Variants in KATNIP observed in about 807,000 individuals in gnomAD.
KATNIP encodes the protein katanin interacting protein, also known as katanin-interacting protein.
A neutral mutation model predicts 174.0 loss-of-function variants in KATNIP; 126 were observed. The ratio of observed to expected loss-of-function variants is 0.72; its 90% confidence interval spans 0.63 to 0.84. KATNIP has a LOEUF of 0.84. KATNIP is among the 40% of genes least tolerant of loss of function. The pLI, the probability that KATNIP is intolerant of heterozygous loss-of-function variation, is 0.00. For missense variants in KATNIP, 1,958 were observed against 2,109.7 expected (o/e 0.93, Z 1.41); for synonymous variants, 810 against 835.7 (o/e 0.97, Z 0.53).
At chr16:27,594,375 T>G (rs564912994) in intron 2 of KATNIP, among the ~76,000 whole-genome samples, 365 of 152,172 alleles carry the variant, frequency 2.4e-3, no homozygotes, top group African/African-American at 8.1e-3. Context: ...GGTTGTGGTG[T>G]CCGTGACTCA....
intron 22 of KATNIP, among the ~76,000 whole-genome samples, chr16:27,771,862 C>G (rs375903594): frequency 7.9e-5 from 12 of 152,286 alleles, no homozygotes; most frequent in African/African-American, 2.9e-4. Flanking sequence ...CCTGCTGAGG[C>G]TGGAGGGGGC....
At chr16:27,714,934 A>T (rs2079858232) in intron 13 of KATNIP, among the ~76,000 whole-genome samples, 1 of 152,222 alleles carries the variant, frequency 6.6e-6, no homozygotes, top group Non-Finnish European at 1.5e-5. Flanking sequence ...ATTTCTTTGT[A>T]CAAGTTGACA....
At chr16:27,664,113 CTCT>C (rs1248635492) in intron 6 of KATNIP, among the ~76,000 whole-genome samples, 7 of 152,170 alleles carry the variant, frequency 4.6e-5, no homozygotes, top group African/African-American at 1.7e-4. Context: ...TGCCCAGCCT[CTCT>C]TCTTTATGTA....
intron 17 of KATNIP, among the ~76,000 whole-genome samples, chr16:27,753,364 G>T (rs748738426): frequency 3.3e-5 from 5 of 152,136 alleles, no homozygotes; most frequent in East Asian, 1.9e-4. Flanking sequence ...TCTACCCTGG[G>T]CGCTTCCATT....
At chr16:27,618,171 C>T (rs545718772) in intron 2 of KATNIP, among the ~76,000 whole-genome samples, 12 of 152,266 alleles carry the variant, frequency 7.9e-5, no homozygotes, top group South Asian at 4.1e-4. Flanking sequence ...ATGGGAGGAA[C>T]GAACAGTAGC....
At chr16:27,768,894 A>G (rs1247511740) in intron 20 of KATNIP, among the ~76,000 whole-genome samples, 1 of 152,216 alleles carries the variant, frequency 6.6e-6, no homozygotes, top group Admixed American at 6.5e-5. Context: ...CACCAGTTGG[A>G]TCAACAGCTG....
At chr16:27,585,732 T>C (rs551321554) in intron 2 of KATNIP, among the ~76,000 whole-genome samples, 1 of 152,150 alleles carries the variant, frequency 6.6e-6, no homozygotes, top group Non-Finnish European at 1.5e-5. Context: ...CTCATGGACA[T>C]AGAGAATAGA....
intron 5 of KATNIP, among the ~76,000 whole-genome samples, chr16:27,634,949 G>A (rs1469241956): frequency 6.6e-6 from 1 of 152,158 alleles, no homozygotes; most frequent in Non-Finnish European, 1.5e-5. Flanking sequence ...TGTTTTTAAG[G>A]GTTTTGGAGT....
chr16:27,724,497 C>G (rs1401732055), intron 14 of KATNIP, among the ~76,000 whole-genome samples: 3 of 152,182 alleles, frequency 2.0e-5, no homozygotes, highest in African/African-American at 7.2e-5. Context: ...TTTAAAAAGG[C>G]ACAGGGTCTT....
intron 2 of KATNIP, among the ~76,000 whole-genome samples, chr16:27,576,064 A>G (rs2090485618): frequency 6.6e-6 from 1 of 152,138 alleles, no homozygotes; most frequent in Non-Finnish European, 1.5e-5. Context: ...CAGGAAAGAA[A>G]CCTGAAACCC....
intron 6 of KATNIP, chr16:27,654,663 A>T: frequency 7.4e-7 from 1 of 1,351,950 alleles, no homozygotes; most frequent in Non-Finnish European, 9.8e-7. Flanking sequence ...TCCCTTCTGA[A>T]TGCATGTGGA....
chr16:27,599,342 C>A (rs7186073), intron 2 of KATNIP, among the ~76,000 whole-genome samples: 152,272 of 152,316 alleles, frequency 1, 76,114 homozygotes, highest in Middle Eastern at 1. Flanking sequence ...AGTCAACACA[C>A]GGGCAATGAC....
chr16:27,604,026 T>C (rs1345169235), intron 2 of KATNIP, among the ~76,000 whole-genome samples: 4 of 152,170 alleles, frequency 2.6e-5, no homozygotes, highest in African/African-American at 4.8e-5. Flanking sequence ...TGTGAGCCAC[T>C]GTGCCTGGCC....
chr16:27,557,463 G>C (rs2089678629), intron 1 of KATNIP, among the ~76,000 whole-genome samples: 1 of 134,208 alleles, frequency 7.5e-6, no homozygotes, highest in African/African-American at 2.9e-5. Context: ...ACAGAGTCTT[G>C]CTCTGTTGCC....
chr16:27,673,205 C>G (rs1272941809), intron 6 of KATNIP, among the ~76,000 whole-genome samples: 1 of 152,182 alleles, frequency 6.6e-6, no homozygotes, highest in Non-Finnish European at 1.5e-5. Context: ...TTTACTCTAC[C>G]TATCTGTCTT....
chr16:27,718,866 C>T (rs2080078384), intron 13 of KATNIP: 1 of 152,280 alleles, frequency 6.6e-6, no homozygotes, highest in Non-Finnish European at 1.5e-5. Context: ...TCCTGAAAGG[C>T]ACCATTGTCA....
Position 27,588,451 on chromosome 16 carries a change from A to G in KATNIP, c.63+14495A>G, listed in dbSNP as rs559307266. On this transcript the variant is annotated intron_variant, in intron 2 of 27. Coordinates refer to ENST00000261588, the MANE Select transcript of KATNIP (RefSeq NM_015202.5). ...TCCCAGTTAATACCTCTCCAAGGAT[A>G]ACCACTATTTTGACTGTTTTTTGTT... Among the ~76,000 whole-genome samples, 9 of 152,158 alleles carry G rather than the reference A, an allele frequency of 5.9e-5. No individual in the cohort carries two copies. In the East Asian group the frequency reaches 9.7e-4, roughly 16 times the overall value.
intron 3 of KATNIP, among the ~76,000 whole-genome samples, chr16:27,622,018 G>A (rs182097812): frequency 1.5e-3 from 224 of 152,194 alleles, no homozygotes; most frequent in African/African-American, 5.0e-3. Flanking sequence ...TGGTGAGATG[G>A]CGCAGTCTAC....
intron 12 of KATNIP, 53 bp downstream of exon 12, chr16:27,704,051 C>G: frequency 7.0e-7 from 1 of 1,431,248 alleles, no homozygotes; most frequent in Non-Finnish European, 9.8e-7. Flanking sequence ...TCCCTCAGAA[C>G]AGGCATTTCG....
Sources: gnomAD v4.1 joint callset for allele counts (sites outside exome capture counted in the v4.1 genomes callset) on GRCh38, gnomAD v4.1.1 for gene constraint, MANE v1.5 for transcripts, NCBI Gene and HGNC (gene_info 2026-07-23, HGNC 2026-07-21) for gene names.